The following EYA1 variants were observed in gnomAD, a reference collection of about 807,000 sequenced individuals.
EYA1 encodes protein phosphatase EYA1.
A neutral mutation model predicts 82.0 loss-of-function variants in EYA1; 16 were observed. That is an observed-to-expected ratio of 0.20 (90% CI 0.13 to 0.30). The LOEUF (loss-of-function observed/expected upper bound fraction) is 0.30. Among genes scored for constraint, EYA1 ranks in the 10% least tolerant of loss-of-function variants. The probability of loss-of-function intolerance (pLI) is 1.00; values close to 1 mark genes in which losing one functional copy is unlikely to be tolerated. For synonymous variants in EYA1, 261 were observed against 264.4 expected, an observed-to-expected ratio of 0.99 and a Z score of 0.12; for missense variants, 633 against 730.7, an observed-to-expected ratio of 0.87 and a Z score of 1.54.
intron 12 of EYA1, among the ~76,000 whole-genome samples, chr8:71,240,586 G>A (rs184582678): frequency 7.8e-4 from 118 of 152,236 alleles, no homozygotes; most frequent in African/African-American, 2.8e-3. Flanking sequence ...CGGGTGACCC[G>A]AGACCAGAGA....
intron 9 of EYA1, among the ~76,000 whole-genome samples, chr8:71,272,945 C>A (rs147788817): frequency 6.6e-6 from 1 of 152,206 alleles, no homozygotes; most frequent in Non-Finnish European, 1.5e-5. Context: ...AAGAGAACAA[C>A]TGAAGGCTTG....
At chr8:71,253,569 T>C (rs1360840041) in intron 11 of EYA1, among the ~76,000 whole-genome samples, 1 of 152,154 alleles carries the variant, frequency 6.6e-6, no homozygotes, top group Non-Finnish European at 1.5e-5. Context: ...TATTTATTCT[T>C]ACACTGAGAC....
At chr8:71,259,967 A>T (rs1814900716) in intron 11 of EYA1, among the ~76,000 whole-genome samples, 1 of 152,204 alleles carries the variant, frequency 6.6e-6, no homozygotes, top group Non-Finnish European at 1.5e-5. Context: ...GATGTCATCT[A>T]AGAATAAGTC....
intron 2 of EYA1, among the ~76,000 whole-genome samples, chr8:71,528,452 C>T (rs1813984786): frequency 6.6e-6 from 1 of 152,124 alleles, no homozygotes; most frequent in Non-Finnish European, 1.5e-5. Context: ...CAACCTGGTG[C>T]CCAATGTGAA....
chr8:71,311,816 T>G (rs1821372334), intron 7 of EYA1, among the ~76,000 whole-genome samples: 1 of 152,204 alleles, frequency 6.6e-6, no homozygotes, highest in Admixed American at 6.5e-5. Flanking sequence ...CAATCAGATT[T>G]CCCAATCACT....
intron 2 of EYA1, among the ~76,000 whole-genome samples, chr8:71,409,876 A>C (rs1410641496): frequency 7.4e-6 from 1 of 134,238 alleles, no homozygotes; most frequent in Non-Finnish European, 1.6e-5. Flanking sequence ...TCATTTTATG[A>C]GGCCAGCATC....
At chr8:71,484,553 T>G (rs2129216148) in intron 2 of EYA1, among the ~76,000 whole-genome samples, 1 of 152,280 alleles carries the variant, frequency 6.6e-6, no homozygotes, top group South Asian at 2.1e-4. Flanking sequence ...CTCTTGAGGG[T>G]CATTCCTATG....
intron 11 of EYA1, among the ~76,000 whole-genome samples, chr8:71,254,838 C>T (rs970422776): frequency 6.6e-6 from 1 of 151,274 alleles, no homozygotes; most frequent in Non-Finnish European, 1.5e-5. Flanking sequence ...GACCTCCCCC[C>T]ACCCCGCCCC....
Position 71,243,844 on chromosome 8 carries a change from C to T in EYA1, c.1140+759G>A, listed in dbSNP as rs376808402. Among the ~76,000 whole-genome samples the T allele has an allele frequency of 2.2e-4, 33 of 152,304 alleles. No homozygotes were observed. In the South Asian group the frequency reaches 6.8e-3, roughly 32 times the overall value. On this transcript the variant is annotated intron_variant, in intron 12 of 17. Transcript: ENST00000340726. ...TCTGAAATAACATACATTTATAAATCGAACAAAACAACAACTTGATGATTA... is the reference window on the plus strand; with the variant it reads ...TCTGAAATAACATACATTTATAAATTGAACAAAACAACAACTTGATGATTA...
chr8:71,265,113 C>T (rs1356538015), intron 11 of EYA1, among the ~76,000 whole-genome samples: 1 of 152,124 alleles, frequency 6.6e-6, no homozygotes, highest in Non-Finnish European at 1.5e-5. Flanking sequence ...AGGACACTGC[C>T]ACCATGTTAC....
At chr8:71,304,796 G>A (rs7013233) in intron 7 of EYA1, among the ~76,000 whole-genome samples, 40,737 of 142,092 alleles carry the variant, frequency 0.29, 10,388 homozygotes, top group East Asian at 0.7. Flanking sequence ...ATCATCTGGA[G>A]TAAGGGGCTC....
chr8:71,247,736 A>G (rs753264685), intron 11 of EYA1, among the ~76,000 whole-genome samples: 12 of 152,190 alleles, frequency 7.9e-5, no homozygotes, highest in Non-Finnish European at 1.0e-4. Context: ...GCAAATGCTC[A>G]AATAGACCCT....
At chr8:71,515,767 T>G (rs1261169248) in intron 2 of EYA1, among the ~76,000 whole-genome samples, 1 of 152,140 alleles carries the variant, frequency 6.6e-6, no homozygotes, top group Non-Finnish European at 1.5e-5. Context: ...TTATAGCCCC[T>G]ATCAAAACTA....
intron 3 of EYA1, among the ~76,000 whole-genome samples, chr8:71,343,933 G>T (rs1825430472): frequency 6.6e-6 from 1 of 152,120 alleles, no homozygotes; most frequent in South Asian, 2.1e-4. Context: ...AAAGTTGGAA[G>T]AATTACACAG....
intron 2 of EYA1, among the ~76,000 whole-genome samples, chr8:71,416,664 T>A (rs180817685): frequency 1.8e-4 from 27 of 152,296 alleles, no homozygotes; most frequent in African/African-American, 6.0e-4. Flanking sequence ...AATCTTGCCC[T>A]CCAAGTGTAG....
intron 2 of EYA1, among the ~76,000 whole-genome samples, chr8:71,431,765 C>T (rs1805637029): frequency 6.6e-6 from 1 of 152,154 alleles, no homozygotes; most frequent in Admixed American, 6.6e-5. Flanking sequence ...ACACAATCCC[C>T]CCCATCCTCT....
chr8:71,263,394 A>T (rs1426051289), intron 11 of EYA1, among the ~76,000 whole-genome samples: 1 of 152,220 alleles, frequency 6.6e-6, no homozygotes, highest in Non-Finnish European at 1.5e-5. Flanking sequence ...AACCATGCCC[A>T]AACCAAGCAA....
At chr8:71,356,336 C>A in intron 2 of EYA1, 126 bp downstream of exon 2, 1 of 778,528 alleles carries the variant, frequency 1.3e-6, no homozygotes, top group Non-Finnish European at 2.1e-6. Flanking sequence ...CACACACAAA[C>A]TGTTAAGTAA....
chr8:71,482,087 G>A (rs76380872), intron 2 of EYA1, among the ~76,000 whole-genome samples: 9,940 of 152,084 alleles, frequency 0.065, 1,092 homozygotes, highest in African/African-American at 0.22. Flanking sequence ...GTCAAAAAAC[G>A]CCATTAAGAA....
Sources: allele counts gnomAD v4.1 joint callset (sites outside exome capture counted in the v4.1 genomes callset), GRCh38; gene constraint gnomAD v4.1.1; transcripts MANE v1.5; gene names NCBI Gene and HGNC (gene_info 2026-07-23, HGNC 2026-07-21).